WDR86: variants seen among roughly 807,000 people sequenced by gnomAD.
WDR86 encodes WD repeat domain 86, also known as WD repeat-containing protein 86.
Under a neutral mutation model 36.5 loss-of-function variants are expected in WDR86, and 30 were observed. The ratio of observed to expected loss-of-function variants is 0.82; its 90% CI spans 0.61 to 1.11. WDR86 has a LOEUF of 1.11. Among genes scored for constraint, WDR86 ranks in the 50% most tolerant of loss-of-function variants. WDR86 has a pLI of 0.00. For synonymous variants in WDR86, 255 were observed against 252.9 expected (o/e 1.01, Z -0.08); for missense variants, 545 against 561.2 (o/e 0.97, Z 0.29).
upstream of WDR86, among the ~76,000 whole-genome samples, chr7:151,410,242 G>T (rs1425406734): frequency 6.6e-6 from 1 of 152,208 alleles, no homozygotes; most frequent in Non-Finnish European, 1.5e-5. Context: ...GCCGCCGCCT[G>T]GGTCCCCTGA....
chr7:151,375,187 T>C (rs942970030), downstream of WDR86, among the ~76,000 whole-genome samples: 1 of 152,256 alleles, frequency 6.6e-6, no homozygotes, highest in African/African-American at 2.4e-5. Context: ...AGTACTTTTG[T>C]AACTATGTAC....
At chr7:151,402,070 A>AAAAAAAAAAAAATATATATATAT in intron 1 of WDR86, among the ~76,000 whole-genome samples, 6 of 50,526 alleles carry the variant, frequency 1.2e-4, no homozygotes, top group African/African-American at 3.5e-4. Flanking sequence ...AAAAAAAAAA[A>AAAAAAAAAAAAATATATATATAT]ATATATATAT....
At chr7:151,393,619 C>T (rs1799597097) in intron 3 of WDR86, among the ~76,000 whole-genome samples, 1 of 152,162 alleles carries the variant, frequency 6.6e-6, no homozygotes, top group Non-Finnish European at 1.5e-5. Flanking sequence ...GGACAGGCCT[C>T]CCAGCGAACT....
intron 4 of WDR86, 71 bp from the exon 5 acceptor site, chr7:151,382,052 G>C (rs1798632937): frequency 3.5e-6 from 5 of 1,412,336 alleles, no homozygotes; most frequent in Middle Eastern, 2.1e-4. Context: ...GGGGCGGCGA[G>C]AGCGTGACCT....
downstream of WDR86, chr7:151,377,931 A>G (rs1798378921): frequency 6.6e-6 from 1 of 152,248 alleles, no homozygotes; most frequent in African/African-American, 2.4e-5. Context: ...ATTGAATGGG[A>G]AAGGTTTAAA....
chr7:151,382,869 T>TG (rs1798700667), intron 4 of WDR86, among the ~76,000 whole-genome samples: 1 of 152,072 alleles, frequency 6.6e-6, no homozygotes, highest in Non-Finnish European at 1.5e-5. Flanking sequence ...TGGGCAGCTA[T>TG]GGTGCAAGCC....
Position 151,381,424 on chromosome 7 carries a change from A to G in WDR86, c.*158T>C. 1 of 1,489,606 alleles carries G rather than the reference A, an allele frequency of 6.7e-7. No homozygotes were observed. Among genetic ancestry groups the G allele is most frequent in the Non-Finnish European group, 8.9e-7 (1 of 1,127,658 alleles). The allele number at this position is 1,489,606 out of a possible 1,614,324, so 92.3% of individuals were successfully genotyped here. On this transcript the variant is annotated 3_prime_UTR_variant, in exon 6 of 6. Transcript: ENST00000334493. The surrounding 1 kb of genome is among the most constrained non-coding windows in gnomAD (Gnocchi z 4.8). ...CGCTCCCAGCGCCTCCTGGCCACCA[A>G]AGAAAAACCAGACGCCTGCGACGGG... is the stretch of plus-strand genomic sequence containing the variant.
At chr7:151,408,201 T>TC (rs1341552050) in intron 1 of WDR86, among the ~76,000 whole-genome samples, 39 of 144,792 alleles carry the variant, frequency 2.7e-4, no homozygotes, top group African/African-American at 9.8e-4. Flanking sequence ...TTTCTTTTCT[T>TC]TTTTTTTTTT....
intron 3 of WDR86, among the ~76,000 whole-genome samples, chr7:151,394,194 A>G (rs1378580198): frequency 1.3e-5 from 2 of 152,038 alleles, no homozygotes; most frequent in Non-Finnish European, 2.9e-5. Context: ...ACCCATCCCA[A>G]TGTCCTCAGG....
At chr7:151,377,350 T>G, downstream of WDR86, 578 of 472,414 alleles carry the variant, frequency 1.2e-3, no homozygotes, top group East Asian at 3.0e-3. Flanking sequence ...TAGGAGGGGG[T>G]GGGCAGGGGA....
At position 151,381,567 on chromosome 7, in the gene WDR86, A is replaced by C; in HGVS notation, c.*15T>G. 1 of 1,376,930 alleles carries C rather than the reference A, an allele frequency of 7.3e-7. No homozygotes were observed. The highest frequency in any genetic ancestry group is 9.3e-7 in the Non-Finnish European group (1 of 1,076,178). The allele number at this position is 1,376,930 out of a possible 1,614,324, so 85.3% of individuals were successfully genotyped here. On this transcript the variant is annotated 3_prime_UTR_variant, in exon 6 of 6. Transcript: ENST00000334493. The surrounding 1 kb of genome is among the most constrained non-coding windows in gnomAD (Gnocchi z 4.8). ...GCTGGGTGTCTGGGCTGGCGTCTGCAGGGGCCCCGCGGGATCAGGCCGGCT... is the reference window on the plus strand; with the variant it reads ...GCTGGGTGTCTGGGCTGGCGTCTGCCGGGGCCCCGCGGGATCAGGCCGGCT...
chr7:151,395,323 T>C (rs1361665677), intron 3 of WDR86, among the ~76,000 whole-genome samples: 1 of 152,242 alleles, frequency 6.6e-6, no homozygotes, highest in Non-Finnish European at 1.5e-5. Context: ...CTGAGTGTTA[T>C]GGGCTGCATC....
At chr7:151,389,604 A>G (rs1169376300) in intron 3 of WDR86, among the ~76,000 whole-genome samples, 1 of 151,862 alleles carries the variant, frequency 6.6e-6, no homozygotes, top group Non-Finnish European at 1.5e-5. Context: ...GGGGCCCAGG[A>G]CTCTTAAGGG....
At chr7:151,384,501 G>A (rs1316988662) in intron 4 of WDR86, among the ~76,000 whole-genome samples, 1 of 152,314 alleles carries the variant, frequency 6.6e-6, no homozygotes, top group South Asian at 2.1e-4. Flanking sequence ...GGCTGGCACT[G>A]TAGCAGCTAT....
intron 2 of WDR86, among the ~76,000 whole-genome samples, chr7:151,397,661 A>ATAGCGGGAGGAAGAGGGTG (rs1799934280): frequency 2.0e-5 from 1 of 48,836 alleles, no homozygotes. Context: ...GAGGAAGGGC[A>ATAGCGGGAGGAAGAGGGTG]TAGCGGGAGG....
In WDR86 at chr7:151,383,245, C is replaced by T. The variant is rs558239440; in HGVS notation, c.863-1264G>A. ...CAGCACTTTGGGAAGCTGAAGCTGGCAGAGCAGATCATGAGATCAGGGGTT... is the reference window on the plus strand; with the variant it reads ...CAGCACTTTGGGAAGCTGAAGCTGGTAGAGCAGATCATGAGATCAGGGGTT... On this transcript the variant is annotated intron_variant, in intron 4 of 5. Coordinates refer to ENST00000334493, the MANE Select transcript of WDR86 (RefSeq NM_198285.3). 6.1e-4 allele frequency among the ~76,000 whole-genome samples: 92 copies of T among 151,934 alleles called. 1 individual carries two copies. The highest frequency in any genetic ancestry group is 2.1e-3 in the African/African-American group (88 of 41,436).
chr7:151,397,655 A>AG (rs1799930174), intron 2 of WDR86, among the ~76,000 whole-genome samples: 1 of 55,456 alleles, frequency 1.8e-5, no homozygotes, highest in Non-Finnish European at 4.3e-5. Flanking sequence ...TAGCGGGAGG[A>AG]AGGGCATAGC....
chr7:151,374,686 A>C, downstream of WDR86: 1 of 197,736 alleles, frequency 5.1e-6, no homozygotes, highest in Non-Finnish European at 1.1e-5. Context: ...TTTTCAAAGA[A>C]CCCCTCAGGA....
intron 3 of WDR86, among the ~76,000 whole-genome samples, chr7:151,389,571 A>C (rs1447814068): frequency 6.6e-6 from 1 of 152,190 alleles, no homozygotes; most frequent in Non-Finnish European, 1.5e-5. Context: ...AGGCGACACA[A>C]TGGGGCTCGC....
Sources: allele counts gnomAD v4.1 joint callset (sites outside exome capture counted in the v4.1 genomes callset), GRCh38; gene constraint gnomAD v4.1.1; non-coding constraint Gnocchi (gnomAD v3.1); transcripts MANE v1.5; gene names NCBI Gene and HGNC (gene_info 2026-07-23, HGNC 2026-07-21).